AGTPBP1: variants seen among roughly 807,000 people sequenced by gnomAD.
AGTPBP1 encodes cytosolic carboxypeptidase 1.
In AGTPBP1, 70 loss-of-function variants were observed where a neutral mutation model predicts 143.9. The ratio of observed to expected loss-of-function variants is 0.49; its 90% CI spans 0.40 to 0.59. The LOEUF (loss-of-function observed/expected upper bound fraction) is 0.59. AGTPBP1 is among the 20% of genes least tolerant of loss of function. The pLI, the probability that AGTPBP1 is intolerant of heterozygous loss-of-function variation, is 0.00. For synonymous variants in AGTPBP1, 463 were observed against 500.2 expected (o/e 0.93, Z 0.99); for missense variants, 1,229 against 1,464.5 (o/e 0.84, Z 2.62).
the AGTPBP1 span, among the ~76,000 whole-genome samples, chr9:85,761,325 A>C: frequency 6.6e-6 from 1 of 152,226 alleles, no homozygotes; most frequent in Non-Finnish European, 1.5e-5. Context: ...AGACAATCCT[A>C]AGCCAAAAGA....
At chr9:85,741,711 C>T in intron 1 of AGTPBP1, 64 bp downstream of exon 1, 1 of 1,270,344 alleles carries the variant, frequency 7.9e-7, no homozygotes, top group Non-Finnish European at 9.9e-7. Context: ...CTCGCATCTC[C>T]CGCGGCCCGG....
intron 3 of AGTPBP1, among the ~76,000 whole-genome samples, chr9:85,688,608 G>GCAA: frequency 6.6e-6 from 1 of 152,262 alleles, no homozygotes; most frequent in East Asian, 1.9e-4. Context: ...GGAAAGATTA[G>GCAA]CAACAACCAT....
rs191297962 is a variant in AGTPBP1 at position 85,686,381 on chromosome 9, T to C, written c.158-5046A>G. 2.2e-3 allele frequency among the ~76,000 whole-genome samples: 339 copies of C among 152,132 alleles called. 3 individuals are homozygous for C. Among genetic ancestry groups the C allele is most frequent in the African/African-American group, 7.8e-3 (323 of 41,532 alleles). ...GATAAAGAGAAACTTTCCATAATTA[T>C]AAAGGGGTAAATCATCAGGAAGACA... On this transcript the variant is annotated intron_variant, in intron 3 of 25. Transcript: ENST00000357081.
chr9:85,594,381 G>A (rs1157152011), intron 18 of AGTPBP1, among the ~76,000 whole-genome samples: 2 of 152,108 alleles, frequency 1.3e-5, no homozygotes, highest in Non-Finnish European at 2.9e-5. Flanking sequence ...CACTTTGGGA[G>A]GCTGAGGCAG....
the AGTPBP1 span, chr9:85,756,043 A>G: frequency 6.9e-7 from 1 of 1,443,376 alleles, no homozygotes; most frequent in Non-Finnish European, 9.2e-7. Context: ...AGAAGGAAAA[A>G]CAAGTAATTT....
intron 25 of AGTPBP1, among the ~76,000 whole-genome samples, chr9:85,563,136 T>G (rs1030395074): frequency 6.6e-6 from 1 of 152,212 alleles, no homozygotes. Context: ...GTGTACGGTA[T>G]TTTGTCACAG....
At chr9:85,717,703 A>C (rs1263309534) in intron 1 of AGTPBP1, among the ~76,000 whole-genome samples, 1 of 149,992 alleles carries the variant, frequency 6.7e-6, no homozygotes, top group Admixed American at 6.6e-5. Context: ...AATATACTTT[A>C]AGTTCTAGGG....
At chr9:85,623,898 A>C (rs928864379) in intron 14 of AGTPBP1, among the ~76,000 whole-genome samples, 15 of 152,182 alleles carry the variant, frequency 9.9e-5, no homozygotes, top group Admixed American at 2.6e-4. Flanking sequence ...CAGTCAAAAC[A>C]AATAGTCTAG....
chr9:85,696,027 A>G (rs1345520539), intron 2 of AGTPBP1, among the ~76,000 whole-genome samples: 2 of 152,084 alleles, frequency 1.3e-5, no homozygotes, highest in Non-Finnish European at 2.9e-5. Flanking sequence ...TTTTTAGTAG[A>G]GACGGGGTTT....
At chr9:85,691,712 A>G (rs532349982) in intron 3 of AGTPBP1, among the ~76,000 whole-genome samples, 1 of 152,280 alleles carries the variant, frequency 6.6e-6, no homozygotes, top group South Asian at 2.1e-4. Flanking sequence ...GTTCTTTAAC[A>G]ATGATATTCA....
chr9:85,660,858 C>T lies in AGTPBP1; in HGVS notation c.700+78G>A, dbSNP rs184131458. On this transcript the variant is annotated intron_variant, in intron 9 of 25. Transcript: ENST00000357081. ...GCTTTATAACTATAGTCTAAATCTA[C>T]ATTTCCAGTTTCTTTAACATAATAA... is the stretch of plus-strand genomic sequence containing the variant. 1.2e-4 allele frequency: 129 copies of T among 1,097,996 alleles called. No individual in the cohort carries two copies. The African/African-American group carries it at 1.9e-3, about 16-fold the overall frequency. 68.0% of individuals were successfully genotyped at this position (1,097,996 alleles called of 1,614,324 possible).
At chr9:85,642,352 C>T (rs941746598) in intron 13 of AGTPBP1, among the ~76,000 whole-genome samples, 5 of 149,816 alleles carry the variant, frequency 3.3e-5, no homozygotes, top group African/African-American at 7.4e-5. Context: ...TTTTTTGAGA[C>T]GGAGTCTTGC....
rs11141053 is a variant in AGTPBP1, at chr9:85,650,163, T to C, written c.1088-3745A>G. Among the ~76,000 whole-genome samples the C allele has an allele frequency of 7.8e-3, 1,185 of 152,032 alleles. 10 individuals carry two copies. Among genetic ancestry groups the C allele is most frequent in the Non-Finnish European group, 0.012 (799 of 67,954 alleles). On this transcript the variant is annotated intron_variant, in intron 11 of 25. Transcript: ENST00000357081. Reference sequence around the variant, plus strand: ...TGGTGTCTTCACTAAAGAAGCTTGATTGCATATTCAATTTCAAATTTTTTA... The same window carrying C: ...TGGTGTCTTCACTAAAGAAGCTTGACTGCATATTCAATTTCAAATTTTTTA...
Position 85,669,577 on chromosome 9 carries a change from A to G in AGTPBP1, c.570T>C (p.Ser190=), listed in dbSNP as rs763291795. The G allele has an allele frequency of 6.2e-7, 1 of 1,606,468 alleles. No individual in the cohort carries two copies. Among genetic ancestry groups the G allele is most frequent in the South Asian group, 1.1e-5 (1 of 90,756 alleles). Reference sequence around the variant, plus strand: ...TTTTCCCTAAGGATACTGAATTCACAGCTGAGAGGGGGAGAAAGAGATGCA... The same window carrying G: ...TTTTCCCTAAGGATACTGAATTCACGGCTGAGAGGGGGAGAAAGAGATGCA... The part of the protein sequence containing the change: ...LQLLRVYSAN[S]VNSVSLGKNG... Residue 190 remains serine, a splice_region_variant and synonymous_variant, in exon 8 of 26, where the codon TCT becomes TCC. Coordinates refer to ENST00000357081, the MANE Select transcript of AGTPBP1 (RefSeq NM_001330701.2).
intron 2 of AGTPBP1, among the ~76,000 whole-genome samples, chr9:85,700,641 A>C (rs1006993612): frequency 6.6e-6 from 1 of 152,232 alleles, no homozygotes; most frequent in Non-Finnish European, 1.5e-5. Context: ...GATGTGAGCC[A>C]CTTCGCAAGT....
intron 25 of AGTPBP1, among the ~76,000 whole-genome samples, chr9:85,556,762 C>T (rs1051932637): frequency 2.0e-5 from 3 of 152,002 alleles, no homozygotes; most frequent in Non-Finnish European, 4.4e-5. Flanking sequence ...ACCAGAATGA[C>T]GTAATGAAGC....
intron 11 of AGTPBP1, among the ~76,000 whole-genome samples, chr9:85,649,312 G>A (rs147188971): frequency 6.6e-6 from 1 of 152,266 alleles, no homozygotes; most frequent in East Asian, 1.9e-4. Flanking sequence ...AGTTTATTTT[G>A]TTGTTGCTAT....
At chr9:85,587,066 T>G (rs1828660583) in intron 21 of AGTPBP1, 106 bp from the exon 22 acceptor site, 3 of 1,382,966 alleles carry the variant, frequency 2.2e-6, no homozygotes, top group African/African-American at 2.9e-5. Flanking sequence ...TATGCTTCTA[T>G]TCCACTAAGC....
chr9:85,715,082 A>G (rs1837619061), intron 1 of AGTPBP1, among the ~76,000 whole-genome samples: 1 of 151,952 alleles, frequency 6.6e-6, no homozygotes, highest in South Asian at 2.1e-4. Context: ...CTCCATCTCT[A>G]TCAAAAATAC....
Sources: gnomAD v4.1 joint callset for allele counts (sites outside exome capture counted in the v4.1 genomes callset) on GRCh38, gnomAD v4.1.1 for gene constraint, MANE v1.5 for transcripts, NCBI Gene and HGNC (gene_info 2026-07-23, HGNC 2026-07-21) for gene names.